Variants in HDAC9 observed in about 807,000 individuals in gnomAD.
HDAC9 encodes the protein MEF-2 interacting transcription repressor (MITR) protein.
HDAC9 carries 41 observed loss-of-function variants against 139.4 expected under a neutral mutation model. That is an observed-to-expected ratio of 0.29 (90% CI 0.23 to 0.38). The LOEUF (loss-of-function observed/expected upper bound fraction) is 0.38, where lower values mean the gene tolerates loss of function less well. Ranked by LOEUF, HDAC9 falls within the 10% of genes least tolerant of loss-of-function variation. The probability of loss-of-function intolerance (pLI) is 1.00; values close to 1 mark genes in which losing one functional copy is unlikely to be tolerated. For missense variants in HDAC9, 1,147 were observed against 1,297.0 expected (o/e 0.88, Z 1.78); for synonymous variants, 517 against 476.2 (o/e 1.09, Z -1.12).
chr7:18,987,061 C>T (rs548175063), intron 25 of HDAC9, among the ~76,000 whole-genome samples: 60 of 152,302 alleles, frequency 3.9e-4, no homozygotes, highest in Non-Finnish European at 7.5e-4. Flanking sequence ...CCCTTTATTT[C>T]CTTCTCCTGC....
At chr7:18,320,653 G>A (rs1799959261) in intron 1 of HDAC9, among the ~76,000 whole-genome samples, 1 of 152,182 alleles carries the variant, frequency 6.6e-6, no homozygotes, top group Non-Finnish European at 1.5e-5. Context: ...TGGTATATGA[G>A]GAGGAAGGGA....
chr7:18,572,341 T>C (rs1284606904), intron 2 of HDAC9, among the ~76,000 whole-genome samples: 1 of 151,178 alleles, frequency 6.6e-6, no homozygotes. Context: ...AATATGACTA[T>C]TTGTCATATT....
chr7:18,227,144 T>C (rs565576189), intron 2 of HDAC9, among the ~76,000 whole-genome samples: 1 of 152,322 alleles, frequency 6.6e-6, no homozygotes, highest in African/African-American at 2.4e-5. Flanking sequence ...ATGCCTTTTA[T>C]TTGAAATACT....
intron 1 of HDAC9, among the ~76,000 whole-genome samples, chr7:18,117,334 A>G (rs143662644): frequency 1.3e-5 from 2 of 151,966 alleles, no homozygotes; most frequent in Middle Eastern, 3.4e-3. Context: ...AAAATACAAA[A>G]AATTAGCCAG....
At chr7:18,371,409 G>A (rs1784582521) in intron 1 of HDAC9, among the ~76,000 whole-genome samples, 1 of 152,108 alleles carries the variant, frequency 6.6e-6, no homozygotes, top group South Asian at 2.1e-4. Context: ...CTGGTTAAAT[G>A]CATTAACTAA....
At chr7:18,706,097 C>G (rs1437372321) in intron 12 of HDAC9, among the ~76,000 whole-genome samples, 2 of 148,616 alleles carry the variant, frequency 1.3e-5, no homozygotes, top group African/African-American at 4.9e-5. Context: ...TCTTTCTTGC[C>G]TTAATGCTAA....
chr7:18,567,374 C>T (rs1245164042), intron 2 of HDAC9, among the ~76,000 whole-genome samples: 4 of 152,284 alleles, frequency 2.6e-5, no homozygotes, highest in Non-Finnish European at 4.4e-5. Context: ...GTTTGTTGTT[C>T]TCTCATTTCT....
At chr7:18,448,462 A>C (rs1440140419) in intron 1 of HDAC9, among the ~76,000 whole-genome samples, 2 of 152,234 alleles carry the variant, frequency 1.3e-5, no homozygotes, top group Non-Finnish European at 2.9e-5. Flanking sequence ...CCTTTTCTTT[A>C]AAGATTTTAT....
intron 1 of HDAC9, among the ~76,000 whole-genome samples, chr7:18,311,834 C>G (rs534064293): frequency 2.0e-5 from 3 of 152,150 alleles, no homozygotes; most frequent in Non-Finnish European, 4.4e-5. Flanking sequence ...GTTAGAGCTA[C>G]TTTTCCATTT....
At chr7:18,990,226 G>T (rs1279215671) in intron 25 of HDAC9, among the ~76,000 whole-genome samples, 1 of 152,168 alleles carries the variant, frequency 6.6e-6, no homozygotes, top group Admixed American at 6.5e-5. Flanking sequence ...GTACAGATGG[G>T]TTTCTGGTGT....
chr7:18,341,852 A>G (rs942025058), intron 1 of HDAC9, among the ~76,000 whole-genome samples: 2 of 151,730 alleles, frequency 1.3e-5, no homozygotes, highest in East Asian at 1.9e-4. Flanking sequence ...TTGTACTTCT[A>G]TAAATATTCT....
Position 18,380,232 on chromosome 7 carries a change from G to C in HDAC9, c.-42+89717G>C, listed in dbSNP as rs1280517473. 2.6e-5 allele frequency among the ~76,000 whole-genome samples: 4 copies of C among 152,100 alleles called. No individual in the cohort carries two copies. In the East Asian group the frequency reaches 7.7e-4, roughly 29 times the overall value. On this transcript the variant is annotated intron_variant, in intron 1 of 3. Coordinates refer to the HDAC9 transcript ENST00000413509. ...TAATGGGTTAACGTATATCTTAATT[G>C]ATATATAGTAAATAGGGAAAATTAT...
chr7:18,940,332 G>T (rs1356557508), intron 23 of HDAC9, among the ~76,000 whole-genome samples: 4 of 152,050 alleles, frequency 2.6e-5, no homozygotes, highest in African/African-American at 9.7e-5. Context: ...ATATGTACAA[G>T]GTCAGTCAAA....
intron 6 of HDAC9, among the ~76,000 whole-genome samples, chr7:18,628,056 A>C (rs1374058406): frequency 6.6e-6 from 1 of 152,234 alleles, no homozygotes; most frequent in East Asian, 1.9e-4. Flanking sequence ...GTGGTCTGTC[A>C]AAAATATAAA....
intron 17 of HDAC9, among the ~76,000 whole-genome samples, chr7:18,808,668 G>A (rs116272051): frequency 1.6e-3 from 242 of 151,950 alleles, no homozygotes; most frequent in African/African-American, 5.4e-3. Context: ...TAAATGGAAC[G>A]ATATCCCATG....
intron 13 of HDAC9, among the ~76,000 whole-genome samples, chr7:18,745,914 C>A (rs1326646887): frequency 3.3e-5 from 4 of 120,118 alleles, no homozygotes; most frequent in African/African-American, 6.6e-5. Flanking sequence ...TTTGCCCATG[C>A]AAGTTCTCAC....
chr7:18,778,293 T>TA (rs993474394), intron 16 of HDAC9, among the ~76,000 whole-genome samples: 113 of 147,278 alleles, frequency 7.7e-4, no homozygotes, highest in Admixed American at 2.2e-3. Context: ...CAATTCTGGG[T>TA]AAAAAAAAAA....
At chr7:18,451,529 G>A (rs959410849) in intron 1 of HDAC9, among the ~76,000 whole-genome samples, 1 of 151,622 alleles carries the variant, frequency 6.6e-6, no homozygotes, top group Non-Finnish European at 1.5e-5. Flanking sequence ...GGAGAATCTC[G>A]ATTGGCCAGG....
chr7:18,828,899 G>A (rs1795655083), intron 17 of HDAC9, among the ~76,000 whole-genome samples: 1 of 152,210 alleles, frequency 6.6e-6, no homozygotes, highest in African/African-American at 2.4e-5. Context: ...ATGTTTGCCA[G>A]CTAGCTGCAC....
Sources: allele counts gnomAD v4.1 joint callset (sites outside exome capture counted in the v4.1 genomes callset), GRCh38; gene constraint gnomAD v4.1.1; transcripts MANE v1.5; gene names NCBI Gene and HGNC (gene_info 2026-07-23, HGNC 2026-07-21).